RASSF8: variants seen among roughly 807,000 people sequenced by gnomAD.
RASSF8 encodes ras association domain-containing protein 8.
RASSF8 carries 22 observed loss-of-function variants against 48.5 expected under a neutral mutation model. That is an observed-to-expected ratio of 0.45 (90% CI 0.32 to 0.65). The LOEUF (loss-of-function observed/expected upper bound fraction) is 0.65. Ranked by LOEUF, RASSF8 falls within the 30% of genes least tolerant of loss-of-function variation. The pLI is 0.03. For missense variants in RASSF8, 418 were observed against 489.2 expected (o/e 0.85, Z 1.37); for synonymous variants, 127 against 171.5 (o/e 0.74, Z 2.03).
At chr12:26,075,051 C>G (rs907623106), downstream of RASSF8, among the ~76,000 whole-genome samples, 3 of 152,174 alleles carry the variant, frequency 2.0e-5, no homozygotes, top group African/African-American at 7.2e-5. Flanking sequence ...ACTTAAGAGG[C>G]CTGTAGGAGT....
intron 2 of RASSF8, among the ~76,000 whole-genome samples, chr12:26,051,885 C>T (rs1303590622): frequency 1.3e-5 from 2 of 152,168 alleles, no homozygotes; most frequent in African/African-American, 4.8e-5. Flanking sequence ...TATATGTTTT[C>T]CCCATGGGTC....
In RASSF8 at chr12:26,065,137, G is replaced by A. The variant is rs374924049; in HGVS notation, c.743G>A (p.Arg248Lys). The change falls in exon 4 of 6, where the codon AGA becomes AAA. Residue 248 changes from arginine to lysine, a missense_variant. Physicochemically the swap from Arg to Lys is conservative, Grantham distance 26. Transcript: ENST00000689635. ...KQLKDQLQEI[R>K]QKITECENKL... ...CTGAAGGATCAACTTCAAGAAATAA[G>A]ACAGAAAATAACAGAATGTGAAAAC... The A allele has an allele frequency of 1.9e-5, 30 of 1,613,826 alleles. No individual in the cohort carries two copies. In the Admixed American group the frequency reaches 2.5e-4, roughly 13 times the overall value.
chr12:26,048,461 G>A (rs939021067), intron 2 of RASSF8, among the ~76,000 whole-genome samples: 2 of 152,172 alleles, frequency 1.3e-5, no homozygotes, highest in Non-Finnish European at 2.9e-5. Flanking sequence ...AATGGCATTT[G>A]TGTGGAATGG....
At chr12:26,055,497 TTGTA>T in intron 3 of RASSF8, 51 bp downstream of exon 3, 1 of 1,404,172 alleles carries the variant, frequency 7.1e-7, no homozygotes, top group Non-Finnish European at 1.0e-6. Flanking sequence ...CTTTCTTTCG[TTGTA>T]TGTGTTTGTT....
At chr12:26,045,590 C>G (rs1303004678) in intron 2 of RASSF8, among the ~76,000 whole-genome samples, 1 of 152,126 alleles carries the variant, frequency 6.6e-6, no homozygotes. Flanking sequence ...CACTGTAGTC[C>G]TCACAATGGA....
At chr12:25,976,663 T>G (rs1941612938) in intron 1 of RASSF8, among the ~76,000 whole-genome samples, 1 of 152,174 alleles carries the variant, frequency 6.6e-6, no homozygotes, top group Non-Finnish European at 1.5e-5. Flanking sequence ...CACTGTGGAG[T>G]GTACTTTCGT....
rs1944024028 is a variant in RASSF8, at chr12:26,072,695, C to T, written c.*3877C>T. 1 of 984,014 alleles carries T rather than the reference C, an allele frequency of 1.0e-6. No homozygotes were observed. The highest frequency in any genetic ancestry group is 1.7e-5 in the African/African-American group (1 of 57,304). The allele number at this position is 984,014 out of a possible 1,614,324, so 61.0% of individuals were successfully genotyped here. ...CACTAATTGTGAGCACATAAATATGCTTTTAGTACTGCTTTGCTTATGTAC... is the reference window on the plus strand; with the variant it reads ...CACTAATTGTGAGCACATAAATATGTTTTTAGTACTGCTTTGCTTATGTAC... On this transcript the variant is annotated 3_prime_UTR_variant, in exon 6 of 6. Coordinates refer to ENST00000689635, the MANE Select transcript of RASSF8 (RefSeq NM_001394098.1).
intron 2 of RASSF8, among the ~76,000 whole-genome samples, chr12:26,030,794 C>A (rs1943014705): frequency 6.6e-6 from 1 of 151,766 alleles, no homozygotes; most frequent in Admixed American, 6.6e-5. Flanking sequence ...CTGTACCAGA[C>A]AAGTGCCTGG....
At chr12:25,966,532 C>G (rs1465228397) in intron 1 of RASSF8, among the ~76,000 whole-genome samples, 1 of 152,078 alleles carries the variant, frequency 6.6e-6, no homozygotes, top group African/African-American at 2.4e-5. Flanking sequence ...ATTTGCATTT[C>G]CCTAACAACT....
At chr12:26,044,921 C>G (rs1247907886) in intron 2 of RASSF8, among the ~76,000 whole-genome samples, 1 of 152,078 alleles carries the variant, frequency 6.6e-6, no homozygotes, top group African/African-American at 2.4e-5. Flanking sequence ...GGAACAAAAG[C>G]ATTATTTGTT....
intron 2 of RASSF8, among the ~76,000 whole-genome samples, chr12:26,013,558 T>C (rs2137033055): frequency 6.6e-6 from 1 of 152,322 alleles, no homozygotes; most frequent in South Asian, 2.1e-4. Flanking sequence ...GCCAGGCCTC[T>C]TCATTAGAAA....
At chr12:26,077,236 C>A (rs1472173126), downstream of RASSF8, among the ~76,000 whole-genome samples, 1 of 152,196 alleles carries the variant, frequency 6.6e-6, no homozygotes, top group East Asian at 1.9e-4. Context: ...ATAGTAGTTT[C>A]TTTCGCTGTG....
At position 26,069,112 on chromosome 12, in the gene RASSF8, T is replaced by C. The variant is rs1289765963; in HGVS notation, c.*294T>C. 6 of 1,010,322 alleles carry C rather than the reference T, an allele frequency of 5.9e-6. No homozygotes were observed. Among genetic ancestry groups the C allele is most frequent in the Admixed American group, 5.7e-5 (1 of 17,582 alleles). 62.6% of individuals were successfully genotyped at this position (1,010,322 alleles called of 1,614,324 possible). On this transcript the variant is annotated 3_prime_UTR_variant, in exon 6 of 6. Coordinates refer to ENST00000689635, the MANE Select transcript of RASSF8 (RefSeq NM_001394098.1). ...TTAGGAAAGTATTATATAGTGTGTATACATAAATAAGCCGTGACTTAAGTA... is the reference window on the plus strand; with the variant it reads ...TTAGGAAAGTATTATATAGTGTGTACACATAAATAAGCCGTGACTTAAGTA...
At chr12:26,073,035 A>G (rs754308273), downstream of RASSF8, among the ~76,000 whole-genome samples, 5 of 152,248 alleles carry the variant, frequency 3.3e-5, no homozygotes, top group Non-Finnish European at 7.3e-5. Flanking sequence ...TCATCAAAGT[A>G]AAACTGAATT....
intron 2 of RASSF8, among the ~76,000 whole-genome samples, chr12:26,008,377 C>A (rs545610693): frequency 6.6e-6 from 1 of 152,170 alleles, no homozygotes; most frequent in Non-Finnish European, 1.5e-5. Flanking sequence ...TTAGCATGTT[C>A]TCCTGTGAGC....
chr12:26,018,624 A>AG (rs1196926802), intron 2 of RASSF8, among the ~76,000 whole-genome samples: 1 of 152,164 alleles, frequency 6.6e-6, no homozygotes, highest in African/African-American at 2.4e-5. Context: ...ACCAGCAGAA[A>AG]GGGGGTGTAG....
Position 26,026,318 on chromosome 12 carries a change from T to C in RASSF8, c.-108-28918T>C, listed in dbSNP as rs145984723. 2.3e-3 allele frequency among the ~76,000 whole-genome samples: 357 copies of C among 152,312 alleles called. 1 individual carries two copies. Among genetic ancestry groups the C allele is most frequent in the African/African-American group, 8.1e-3 (338 of 41,572 alleles). ...TTGACAAAGTATCTCAGTAGACAAA[T>C]ATCTATGTACAAATGGCCAATCAGC... is the stretch of plus-strand genomic sequence containing the variant. On this transcript the variant is annotated intron_variant, in intron 2 of 5. Coordinates refer to ENST00000689635, the MANE Select transcript of RASSF8 (RefSeq NM_001394098.1).
intron 2 of RASSF8, among the ~76,000 whole-genome samples, chr12:26,019,239 A>T (rs1425802112): frequency 1.3e-5 from 2 of 152,194 alleles, no homozygotes; most frequent in Non-Finnish European, 2.9e-5. Flanking sequence ...TTTGCTCATG[A>T]GTGAGTTTAG....
chr12:26,002,606 C>G (rs957533273), intron 2 of RASSF8, among the ~76,000 whole-genome samples: 1 of 152,104 alleles, frequency 6.6e-6, no homozygotes, highest in African/African-American at 2.4e-5. Context: ...AAACCCCTTC[C>G]TACTAAAAAT....
Sources: allele counts gnomAD v4.1 joint callset (sites outside exome capture counted in the v4.1 genomes callset), GRCh38; gene constraint gnomAD v4.1.1; transcripts MANE v1.5; gene names NCBI Gene and HGNC (gene_info 2026-07-23, HGNC 2026-07-21).